KCNJ3: variants seen among roughly 807,000 people sequenced by gnomAD.
KCNJ3 encodes potassium inwardly rectifying channel subfamily J member 3.
In KCNJ3, 4 loss-of-function variants were observed where a neutral mutation model predicts 39.2. The observed-to-expected ratio is 0.10, with a 90% confidence interval of 0.05 to 0.23. The LOEUF (loss-of-function observed/expected upper bound fraction) is 0.23, where lower values mean the gene tolerates loss of function less well. Ranked by LOEUF, KCNJ3 falls within the 10% of genes least tolerant of loss-of-function variation. The pLI is 1.00. For missense variants in KCNJ3, 276 were observed against 634.9 expected, an observed-to-expected ratio of 0.43 and a Z score of 6.08; for synonymous variants, 230 against 237.4, an observed-to-expected ratio of 0.97 and a Z score of 0.29.
At chr2:154,731,064 C>G (rs1312277225) in intron 2 of KCNJ3, among the ~76,000 whole-genome samples, 2 of 151,984 alleles carry the variant, frequency 1.3e-5, no homozygotes, top group African/African-American at 4.8e-5. Flanking sequence ...TGATTAAATG[C>G]CTCTGAGAGT....
At chr2:154,790,368 T>C (rs775852136) in intron 2 of KCNJ3, among the ~76,000 whole-genome samples, 29 of 152,104 alleles carry the variant, frequency 1.9e-4, no homozygotes, top group Non-Finnish European at 3.8e-4. Flanking sequence ...TCTGACACTC[T>C]GTTGTTTTTC....
intron 2 of KCNJ3, among the ~76,000 whole-genome samples, chr2:154,710,741 T>C (rs1030256738): frequency 9.8e-5 from 15 of 152,308 alleles, no homozygotes; most frequent in African/African-American, 3.4e-4. Flanking sequence ...AATTATATAA[T>C]ACTAATGATT....
intron 2 of KCNJ3, among the ~76,000 whole-genome samples, chr2:154,728,288 C>A (rs1685392800): frequency 1.3e-5 from 2 of 152,044 alleles, no homozygotes; most frequent in East Asian, 1.9e-4. Flanking sequence ...ACAGAAATCA[C>A]CTTGTGTCTT....
At chr2:154,750,531 G>A (rs1685822277) in intron 2 of KCNJ3, among the ~76,000 whole-genome samples, 1 of 151,908 alleles carries the variant, frequency 6.6e-6, no homozygotes, top group South Asian at 2.1e-4. Context: ...TATTATTTAT[G>A]AGATAGCTTC....
At chr2:154,768,018 C>T (rs1449244010) in intron 2 of KCNJ3, among the ~76,000 whole-genome samples, 1 of 152,172 alleles carries the variant, frequency 6.6e-6, no homozygotes, top group African/African-American at 2.4e-5. Flanking sequence ...CCTTCACCCA[C>T]TTTTTGATGG....
intron 2 of KCNJ3, among the ~76,000 whole-genome samples, chr2:154,725,492 A>G (rs187667619): frequency 7.0e-4 from 106 of 152,002 alleles, no homozygotes; most frequent in African/African-American, 2.5e-3. Context: ...CCCTGCAATT[A>G]TTTAAAACCA....
chr2:154,727,415 G>A (rs1338685873), intron 2 of KCNJ3, among the ~76,000 whole-genome samples: 3 of 150,156 alleles, frequency 2.0e-5, no homozygotes, highest in South Asian at 2.1e-4. Flanking sequence ...GAGAAACCCC[G>A]TCTCTACTAA....
chr2:154,762,702 G>C (rs1210441464), intron 2 of KCNJ3, among the ~76,000 whole-genome samples: 2 of 152,086 alleles, frequency 1.3e-5, no homozygotes, highest in African/African-American at 4.8e-5. Context: ...AATATGGTAA[G>C]AGGAACTCCA....
chr2:154,830,805 T>C (rs1687348761), intron 2 of KCNJ3, among the ~76,000 whole-genome samples: 1 of 152,168 alleles, frequency 6.6e-6, no homozygotes, highest in Non-Finnish European at 1.5e-5. Flanking sequence ...GGGATGACTC[T>C]ACAAAACTGT....
intron 2 of KCNJ3, among the ~76,000 whole-genome samples, chr2:154,738,278 A>C (rs564441643): frequency 4.9e-4 from 75 of 152,192 alleles, no homozygotes; most frequent in African/African-American, 1.8e-3. Context: ...GAGGCTGGGA[A>C]GGGAGGTGGG....
At chr2:154,826,184 T>C (rs1179895927) in intron 2 of KCNJ3, among the ~76,000 whole-genome samples, 2 of 152,170 alleles carry the variant, frequency 1.3e-5, no homozygotes, top group Non-Finnish European at 2.9e-5. Context: ...TCAAGATTCA[T>C]GAATTGTTTA....
intron 2 of KCNJ3, among the ~76,000 whole-genome samples, chr2:154,730,651 C>T (rs1685433966): frequency 6.6e-6 from 1 of 151,956 alleles, no homozygotes; most frequent in Non-Finnish European, 1.5e-5. Flanking sequence ...TTTTTTTTAA[C>T]TACCAATGAA....
At chr2:154,802,436 G>A (rs1249003792) in intron 2 of KCNJ3, among the ~76,000 whole-genome samples, 3 of 151,882 alleles carry the variant, frequency 2.0e-5, no homozygotes, top group Admixed American at 2.0e-4. Context: ...ATTTCACATT[G>A]CCAGTTTTTA....
In KCNJ3 at chr2:154,699,533, A is replaced by G. The variant is rs1017999143; in HGVS notation, c.702+56A>G. The G allele has an allele frequency of 4.6e-5, 69 of 1,500,418 alleles. No individual in the cohort carries two copies. Among genetic ancestry groups the G allele is most frequent in the Non-Finnish European group, 5.5e-5 (62 of 1,127,036 alleles). 92.9% of individuals were successfully genotyped at this position (1,500,418 alleles called of 1,614,324 possible). A position where few individuals can be genotyped will look rare whatever the true frequency, so the allele number is the denominator to read the frequency against. On this transcript the variant is annotated intron_variant, in intron 1 of 2. Coordinates refer to ENST00000295101, the MANE Select transcript of KCNJ3 (RefSeq NM_002239.4). The surrounding 1 kb of genome is among the most constrained non-coding windows in gnomAD (Gnocchi z 6.4). ...AGACCTGCGTCCCCCAAACCCGCGG[A>G]GTAACTCGTCTGAGAACCAGCCCGG...
chr2:154,783,306 G>T (rs1036082284), intron 2 of KCNJ3, among the ~76,000 whole-genome samples: 2 of 152,214 alleles, frequency 1.3e-5, no homozygotes, highest in Non-Finnish European at 2.9e-5. Context: ...CTTCTTCCGT[G>T]CATTTTGCAT....
intron 2 of KCNJ3, among the ~76,000 whole-genome samples, chr2:154,740,575 T>C (rs1455107160): frequency 6.6e-6 from 1 of 152,012 alleles, no homozygotes; most frequent in Non-Finnish European, 1.5e-5. Flanking sequence ...GCATGTTTCC[T>C]GGTGTTGACA....
At chr2:154,746,720 AG>A (rs1314022808) in intron 2 of KCNJ3, among the ~76,000 whole-genome samples, 3 of 151,122 alleles carry the variant, frequency 2.0e-5, no homozygotes, top group Non-Finnish European at 4.4e-5. Context: ...ATTTGGAAAA[AG>A]AATCACAGGG....
At chr2:154,710,948 A>G (rs1685093869) in intron 2 of KCNJ3, among the ~76,000 whole-genome samples, 1 of 152,110 alleles carries the variant, frequency 6.6e-6, no homozygotes, top group Admixed American at 6.6e-5. Flanking sequence ...CTACTCTCTT[A>G]AAGCTTCTTT....
chr2:154,748,860 A>T (rs755623305), intron 2 of KCNJ3, among the ~76,000 whole-genome samples: 2 of 152,100 alleles, frequency 1.3e-5, no homozygotes, highest in Non-Finnish European at 2.9e-5. Context: ...TGTACTACTG[A>T]TACGGACATA....
Sources: allele counts gnomAD v4.1 joint callset (sites outside exome capture counted in the v4.1 genomes callset), GRCh38; gene constraint gnomAD v4.1.1; non-coding constraint Gnocchi (gnomAD v3.1); transcripts MANE v1.5; gene names NCBI Gene and HGNC (gene_info 2026-07-23, HGNC 2026-07-21).